Variants in RIPK1 observed in about 807,000 individuals in gnomAD.
RIPK1 encodes the protein receptor-interacting serine/threonine-protein kinase 1.
In RIPK1, 27 loss-of-function variants were observed where a neutral mutation model predicts 62.4. That is an observed-to-expected ratio of 0.43 (90% confidence interval 0.32 to 0.60). The LOEUF (loss-of-function observed/expected upper bound fraction) is 0.60, where lower values mean the gene tolerates loss of function less well. Among genes scored for constraint, RIPK1 ranks in the 20% least tolerant of loss-of-function variants. RIPK1 has a pLI of 0.07. For synonymous variants in RIPK1, 287 were observed against 303.2 expected, an observed-to-expected ratio of 0.95 and a Z score of 0.55; for missense variants, 735 against 831.0, an observed-to-expected ratio of 0.88 and a Z score of 1.42.
chr6:3,113,361 T>C lies in RIPK1; in HGVS notation c.*22T>C, dbSNP rs1470427276. The C allele has an allele frequency of 4.4e-6, 7 of 1,600,928 alleles. No individual in the cohort carries two copies. The South Asian group carries it at 7.8e-5, about 18-fold the overall frequency. On this transcript the variant is annotated 3_prime_UTR_variant, in exon 11 of 11. Transcript: ENST00000259808. The surrounding 1 kb of genome is among the most constrained non-coding windows in gnomAD (Gnocchi z 5.0). ...CTAACCCTGGATGGGCTACGGCAGC[T>C]GAAGTGGACGCCTCACTTAGTGGAT...
chr6:3,076,448 C>T (rs1759051534), intron 1 of RIPK1, among the ~76,000 whole-genome samples: 1 of 151,592 alleles, frequency 6.6e-6, no homozygotes, highest in Non-Finnish European at 1.5e-5. Flanking sequence ...TGGGAGGATC[C>T]CTTGATCTTA....
intron 8 of RIPK1, among the ~76,000 whole-genome samples, chr6:3,104,588 A>G (rs966397131): frequency 2.6e-5 from 4 of 152,174 alleles, no homozygotes; most frequent in African/African-American, 9.6e-5. Context: ...GGAAGGGGAC[A>G]TATGTGAGAG....
intron 7 of RIPK1, among the ~76,000 whole-genome samples, chr6:3,099,607 A>G (rs1033803477): frequency 6.6e-6 from 1 of 152,250 alleles, no homozygotes; most frequent in Non-Finnish European, 1.5e-5. Flanking sequence ...AGACAATTCA[A>G]AAAAGAAACT....
At chr6:3,065,013 C>A (rs1438398495), upstream of RIPK1, among the ~76,000 whole-genome samples, 1 of 151,776 alleles carries the variant, frequency 6.6e-6, no homozygotes, top group African/African-American at 2.4e-5. Context: ...GAGGCCGAGG[C>A]GGGCGGATCA....
intron 7 of RIPK1, among the ~76,000 whole-genome samples, chr6:3,094,017 G>A (rs1361387239): frequency 5.7e-5 from 8 of 140,512 alleles, no homozygotes; most frequent in Admixed American, 5.6e-4. Flanking sequence ...TAACTGCAGC[G>A]CGCCTACCTG....
chr6:3,086,333 G>A (rs985102429), intron 6 of RIPK1, among the ~76,000 whole-genome samples: 11 of 152,194 alleles, frequency 7.2e-5, no homozygotes, highest in Non-Finnish European at 1.2e-4. Context: ...AGGTTGTATG[G>A]TAGTTTCATG....
upstream of RIPK1, among the ~76,000 whole-genome samples, chr6:3,066,359 G>A (rs757112424): frequency 2.8e-4 from 43 of 152,090 alleles, no homozygotes; most frequent in Non-Finnish European, 5.6e-4. Context: ...ATTCACAACC[G>A]AGTCTTCAGT....
chr6:3,075,984 C>T (rs539328899), intron 1 of RIPK1, among the ~76,000 whole-genome samples: 6 of 152,000 alleles, frequency 3.9e-5, no homozygotes, highest in Non-Finnish European at 8.8e-5. Flanking sequence ...TTCATTCTAC[C>T]TTCTTTTCTT....
rs994499358 is a variant in RIPK1, at chr6:3,072,125, T to C, written c.-61+3464T>C. ...CTACTTTTGCTGTTCTATGTAATGC[T>C]ACCAGGAACAGCTTTGCACATAATC... On this transcript the variant is annotated intron_variant, in intron 1 of 10. Coordinates refer to ENST00000259808, the MANE Select transcript of RIPK1 (RefSeq NM_001354930.2). This position sits in a 1 kb window ranked among gnomAD's most constrained non-coding sequence, Gnocchi z 5.6. Among the ~76,000 whole-genome samples the C allele has an allele frequency of 1.3e-5, 2 of 152,236 alleles. No individual in the cohort carries two copies.
chr6:3,079,661 T>C (rs1759274734), intron 3 of RIPK1, among the ~76,000 whole-genome samples: 1 of 152,162 alleles, frequency 6.6e-6, no homozygotes, highest in South Asian at 2.1e-4. Flanking sequence ...CTTTTCCACT[T>C]TCTTCTCCCA....
chr6:3,070,875 A>G lies in RIPK1; in HGVS notation c.-61+2214A>G, dbSNP rs148066914. Among the ~76,000 whole-genome samples the G allele has an allele frequency of 4.9e-3, 741 of 152,332 alleles. 5 individuals are homozygous for G. Among genetic ancestry groups the G allele is most frequent in the African/African-American group, 0.017 (713 of 41,564 alleles). ...CAGATTATTTGCTATCTAGAGAAGT[A>G]GCATGTATTAGTGAGCCAATAGTGA... is the stretch of plus-strand genomic sequence containing the variant. On this transcript the variant is annotated intron_variant, in intron 1 of 10. Coordinates refer to ENST00000259808, the MANE Select transcript of RIPK1 (RefSeq NM_001354930.2).
chr6:3,068,262 C>T, upstream of RIPK1: 3 of 985,564 alleles, frequency 3.0e-6, no homozygotes, highest in Non-Finnish European at 2.4e-6. Context: ...CCGCTGTAAT[C>T]CACCCAGTGC....
rs375497021 is a variant in RIPK1 at position 3,076,777 on chromosome 6, C to CG, written c.-39dup. The stretch of plus-strand genomic sequence containing the variant: ...TTTTCTTTACAGGGTACAGCTCTGC[C>CG]GGGGGGGGAAAAAGTGGTACCATTT... On this transcript the variant is annotated 5_prime_UTR_variant, in exon 2 of 11. Coordinates refer to ENST00000259808, the MANE Select transcript of RIPK1 (RefSeq NM_001354930.2). 1.2e-3 allele frequency: 1,969 copies of CG among 1,578,476 alleles called. 1 individual carries two copies. Among genetic ancestry groups the CG allele is most frequent in the African/African-American group, 2.5e-3 (181 of 71,220 alleles).
upstream of RIPK1, chr6:3,064,047 G>A (rs897711865): frequency 6.6e-6 from 1 of 152,340 alleles, no homozygotes; most frequent in African/African-American, 2.4e-5. Context: ...GCGACACGGA[G>A]ACTAGGTGGC....
chr6:3,094,102 A>ACTGCAGCGCG (rs1760145560), intron 7 of RIPK1, among the ~76,000 whole-genome samples: 1 of 138,950 alleles, frequency 7.2e-6, no homozygotes, highest in Non-Finnish European at 1.5e-5. Flanking sequence ...GCACCTAGTA[A>ACTGCAGCGCG]CTGCAGAGTA....
intron 8 of RIPK1, among the ~76,000 whole-genome samples, chr6:3,104,864 C>CT (rs373884442): frequency 3.4e-4 from 50 of 149,042 alleles, no homozygotes; most frequent in Non-Finnish European, 5.5e-4. Context: ...TGCTGCAGAT[C>CT]TTTTTTTTTT....
Position 3,115,183 on chromosome 6 carries a change from C to T in RIPK1, c.*1844C>T, listed in dbSNP as rs1761351245. On this transcript the variant is annotated 3_prime_UTR_variant, in exon 11 of 11. Coordinates refer to ENST00000259808, the MANE Select transcript of RIPK1 (RefSeq NM_001354930.2). ...CACTTTTTAAAATAAAAATTTATAC[C>T]ACAACTTTAGGCTATTGATGTGATG... 1 of 152,014 alleles carries T rather than the reference C, an allele frequency of 6.6e-6. No individual in the cohort carries two copies. The highest frequency in any genetic ancestry group is 1.5e-5 in the Non-Finnish European group (1 of 68,004). 9.4% of individuals were successfully genotyped at this position (152,014 alleles called of 1,614,324 possible). A position where few individuals can be genotyped will look rare whatever the true frequency, so the allele number is the denominator to read the frequency against.
At position 3,080,959 on chromosome 6, in the gene RIPK1, CTT is replaced by C; in HGVS notation, c.322-19_322-18del. The C allele has an allele frequency of 2.5e-6, 4 of 1,611,276 alleles. No individual in the cohort carries two copies. Among genetic ancestry groups the C allele is most frequent in the Non-Finnish European group, 2.5e-6 (3 of 1,178,162 alleles). The stretch of plus-strand genomic sequence containing the variant: ...TTTGATAACCTTTCCATTTCATAGA[CTT>C]AATATCACTTGTTTTAGATGAGTAC... On this transcript the variant is annotated intron_variant, in intron 3 of 10. Coordinates refer to ENST00000259808, the MANE Select transcript of RIPK1 (RefSeq NM_001354930.2).
At chr6:3,103,640 C>G (rs1370242878) in intron 7 of RIPK1, among the ~76,000 whole-genome samples, 1 of 152,080 alleles carries the variant, frequency 6.6e-6, no homozygotes, top group East Asian at 1.9e-4. Context: ...GCTTTTAATT[C>G]TGATGTATTA....
Sources: allele counts gnomAD v4.1 joint callset (sites outside exome capture counted in the v4.1 genomes callset), GRCh38; gene constraint gnomAD v4.1.1; non-coding constraint Gnocchi (gnomAD v3.1); transcripts MANE v1.5; gene names NCBI Gene and HGNC (gene_info 2026-07-23, HGNC 2026-07-21).